Variants in PPP4R3A observed in about 807,000 individuals in gnomAD.
PPP4R3A encodes protein phosphatase 4 regulatory subunit 3A.
Under a neutral mutation model 91.7 loss-of-function variants are expected in PPP4R3A, and 15 were observed. The ratio of observed to expected loss-of-function variants is 0.16; its 90% CI spans 0.11 to 0.25. PPP4R3A has a LOEUF of 0.25. Among genes scored for constraint, PPP4R3A ranks in the 10% least tolerant of loss-of-function variants. The pLI is 1.00. For missense variants in PPP4R3A, 623 were observed against 998.4 expected (o/e 0.62, Z 5.07); for synonymous variants, 377 against 348.7 (o/e 1.08, Z -0.91).
rs774468567 is a variant in PPP4R3A at position 91,507,371 on chromosome 14, A to ATAGT, written c.142+2134_142+2135insACTA. ...ATATACTATATAGTATATATACTAT[A>ATAGT]ATTATATATACTATATAGTATATGT... On this transcript the variant is annotated intron_variant, in intron 1 of 14. Coordinates refer to ENST00000554943, the MANE Select transcript of PPP4R3A (RefSeq NM_001366432.2). 7.6e-3 allele frequency among the ~76,000 whole-genome samples: 567 copies of ATAGT among 74,330 alleles called. 40 individuals are homozygous for ATAGT. Among genetic ancestry groups the ATAGT allele is most frequent in the African/African-American group, 0.034 (532 of 15,444 alleles). 48.8% of individuals were successfully genotyped at this position (74,330 alleles called of 152,430 possible).
intron 1 of PPP4R3A, among the ~76,000 whole-genome samples, chr14:91,506,356 T>G (rs750975853): frequency 6.6e-6 from 1 of 152,336 alleles, no homozygotes; most frequent in Admixed American, 6.5e-5. Flanking sequence ...ATATGGTTAA[T>G]AGCACTAAAT....
chr14:91,485,704 T>C lies in PPP4R3A; in HGVS notation c.225A>G (p.Ala75=). 1 of 1,606,932 alleles carries C rather than the reference T, an allele frequency of 6.2e-7. No homozygotes were observed. The highest frequency in any genetic ancestry group is 1.1e-5 in the South Asian group (1 of 91,052). The part of the protein sequence containing the change: ...QQDTLIVWSE[A]ENYDLALSFQ... ...AGCTAAGGGCCAAGTCATAATTTTC[T>C]GCTTCAGACCACACAATCAGAGTGT... Residue 75 remains alanine, a synonymous_variant, in exon 3 of 15, where the codon GCA becomes GCG. Transcript: ENST00000554943.
intron 2 of PPP4R3A, among the ~76,000 whole-genome samples, chr14:91,487,019 G>A (rs1439591176): frequency 1.3e-5 from 2 of 151,874 alleles, no homozygotes; most frequent in African/African-American, 4.8e-5. Context: ...GGCCAAGGCA[G>A]GCGGATCACC....
At chr14:91,474,314 C>A (rs1050463161) in intron 7 of PPP4R3A, among the ~76,000 whole-genome samples, 16 of 152,214 alleles carry the variant, frequency 1.1e-4, no homozygotes, top group African/African-American at 3.9e-4. Flanking sequence ...TGGTATTCCT[C>A]ACCTAAGTAG....
intron 6 of PPP4R3A, 30 bp downstream of exon 6, chr14:91,476,378 T>C (rs1490620168): frequency 3.6e-6 from 5 of 1,391,558 alleles, no homozygotes; most frequent in Non-Finnish European, 5.0e-6. Flanking sequence ...TAAAAAATGG[T>C]AATTAAAAAT....
chr14:91,502,733 T>A (rs548271815), intron 1 of PPP4R3A, among the ~76,000 whole-genome samples: 4 of 152,360 alleles, frequency 2.6e-5, no homozygotes, highest in African/African-American at 4.8e-5. Context: ...CATTTCTCCA[T>A]GTCTCATTTT....
intron 1 of PPP4R3A, among the ~76,000 whole-genome samples, chr14:91,507,461 T>TATATAGTATAC (rs1227654322): frequency 1.5e-5 from 2 of 137,818 alleles, no homozygotes; most frequent in African/African-American, 5.4e-5. Context: ...GTATATATAC[T>TATATAGTATAC]ATAATTATAT....
At chr14:91,506,388 C>T (rs1891295538) in intron 1 of PPP4R3A, among the ~76,000 whole-genome samples, 1 of 152,098 alleles carries the variant, frequency 6.6e-6, no homozygotes, top group Non-Finnish European at 1.5e-5. Flanking sequence ...GTAAGAATTA[C>T]GTAAGTCAAT....
chr14:91,490,127 G>C (rs913424454), intron 2 of PPP4R3A, among the ~76,000 whole-genome samples: 1 of 152,206 alleles, frequency 6.6e-6, no homozygotes, highest in African/African-American at 2.4e-5. Context: ...GTGTCTGTGT[G>C]GGTGTACGTG....
At chr14:91,490,423 A>G (rs573143657) in intron 2 of PPP4R3A, among the ~76,000 whole-genome samples, 2 of 152,262 alleles carry the variant, frequency 1.3e-5, no homozygotes, top group African/African-American at 4.8e-5. Flanking sequence ...ATCATCTACA[A>G]CAGGAATTTT....
chr14:91,508,128 C>T (rs1891528785), intron 1 of PPP4R3A, among the ~76,000 whole-genome samples: 1 of 152,126 alleles, frequency 6.6e-6, no homozygotes, highest in African/African-American at 2.4e-5. Flanking sequence ...TAACACTTGA[C>T]ATTCAAATTG....
chr14:91,458,600 C>T lies in PPP4R3A; in HGVS notation c.*159G>A. On this transcript the variant is annotated 3_prime_UTR_variant, in exon 15 of 15. Coordinates refer to ENST00000554943, the MANE Select transcript of PPP4R3A (RefSeq NM_001366432.2). ...ATATATGATATCCCCTCCTCCTGCT[C>T]CATTGAATTGGCACTTGATGAGCAG... 1 of 1,013,208 alleles carries T rather than the reference C, an allele frequency of 9.9e-7. No individual in the cohort carries two copies. Among genetic ancestry groups the T allele is most frequent in the Non-Finnish European group, 1.6e-6 (1 of 638,604 alleles). The allele number at this position is 1,013,208 out of a possible 1,614,324, so 62.8% of individuals were successfully genotyped here. A position where few individuals can be genotyped will look rare whatever the true frequency, so the allele number is the denominator to read the frequency against.
intron 10 of PPP4R3A, among the ~76,000 whole-genome samples, chr14:91,465,775 T>C (rs1042196221): frequency 2.0e-5 from 3 of 152,208 alleles, no homozygotes; most frequent in African/African-American, 7.2e-5. Flanking sequence ...CAACATGACC[T>C]TTTATATCCA....
chr14:91,481,461 C>A, intron 4 of PPP4R3A, 115 bp downstream of exon 4: 1 of 1,095,146 alleles, frequency 9.1e-7, no homozygotes, highest in Non-Finnish European at 1.2e-6. Flanking sequence ...TAAAATAACT[C>A]ACAATACTTA....
chr14:91,464,619 A>G (rs897123240), intron 11 of PPP4R3A, among the ~76,000 whole-genome samples: 4 of 152,042 alleles, frequency 2.6e-5, no homozygotes, highest in Non-Finnish European at 5.9e-5. Flanking sequence ...TGCCAGATAA[A>G]TTTGCACAGC....
rs116442454 is a variant in PPP4R3A, at chr14:91,471,756, A to G, written c.1502-761T>C. Among the ~76,000 whole-genome samples, 855 of 152,294 alleles carry G rather than the reference A, an allele frequency of 5.6e-3. 5 individuals are homozygous for G. Among genetic ancestry groups the G allele is most frequent in the African/African-American group, 0.02 (812 of 41,564 alleles). ...TTAACTTGTGTTTTATGTGAGTGCT[A>G]TAATTATGCTATATTAAGAATTCAA... On this transcript the variant is annotated intron_variant, in intron 9 of 14. Coordinates refer to ENST00000554943, the MANE Select transcript of PPP4R3A (RefSeq NM_001366432.2).
chr14:91,501,871 ATTT>A (rs755484959), intron 1 of PPP4R3A, among the ~76,000 whole-genome samples: 9 of 100,230 alleles, frequency 9.0e-5, no homozygotes, highest in Non-Finnish European at 1.1e-4. Context: ...AGCCCGGCTA[ATTT>A]TTTTTTTTTT....
chr14:91,502,591 T>C (rs1266657030), intron 1 of PPP4R3A, among the ~76,000 whole-genome samples: 6 of 152,222 alleles, frequency 3.9e-5, no homozygotes, highest in Admixed American at 3.9e-4. Flanking sequence ...CTAAGTGTTC[T>C]GACCTCCTTT....
At chr14:91,491,198 C>T (rs1358785290) in intron 1 of PPP4R3A, among the ~76,000 whole-genome samples, 2 of 151,916 alleles carry the variant, frequency 1.3e-5, no homozygotes, top group Non-Finnish European at 2.9e-5. Flanking sequence ...TGAGCCACTG[C>T]GCCTGGCCTC....
Sources: allele counts gnomAD v4.1 joint callset (sites outside exome capture counted in the v4.1 genomes callset), GRCh38; gene constraint gnomAD v4.1.1; transcripts MANE v1.5; gene names NCBI Gene and HGNC (gene_info 2026-07-23, HGNC 2026-07-21).